MUC17: variants seen among roughly 807,000 people sequenced by gnomAD.
The protein encoded by MUC17 is mucin 17, cell surface associated, also known as mucin-17.
Under a neutral mutation model 170.3 loss-of-function variants are expected in MUC17, and 190 were observed. The ratio of observed to expected loss-of-function variants is 1.12; its 90% CI spans 0.99 to 1.26. The LOEUF is 1.26. Ranked by LOEUF, MUC17 falls within the 50% of genes most tolerant of loss-of-function variation. The probability of loss-of-function intolerance (pLI) is 0.00; values close to 1 mark genes in which losing one functional copy is unlikely to be tolerated. For missense variants in MUC17, 6,415 were observed against 5,530.0 expected (o/e 1.16, Z -5.08); for synonymous variants, 2,325 against 2,002.5 (o/e 1.16, Z -4.30).
chr7:101,021,788 C>A (rs1234179494), intron 1 of MUC17, among the ~76,000 whole-genome samples: 1 of 152,148 alleles, frequency 6.6e-6, no homozygotes, highest in African/African-American at 2.4e-5. Context: ...CTTTCCATGT[C>A]CCTTCTCCAG....
Position 101,043,787 on chromosome 7 carries a change from C to G in MUC17, c.12371C>G (p.Thr4124Ser), listed in dbSNP as rs1046921865. The change falls in exon 3 of 13, where the codon ACC (threonine) becomes AGC (serine). Residue 4124 changes from threonine to serine, a missense_variant. Thr to Ser is a moderately conservative substitution (Grantham distance 58). Coordinates refer to ENST00000306151, the MANE Select transcript of MUC17 (RefSeq NM_001040105.2). ...PTNTTIKSNP[T>S]STPTVPRTTT... ...AATACTACAATTAAGAGCAACCCCA[C>G]CTCAACTCCTACTGTGCCAAGAACC... 11 of 1,610,662 alleles carry G rather than the reference C, an allele frequency of 6.8e-6. No homozygotes were observed. The highest frequency in any genetic ancestry group is 8.5e-6 in the Non-Finnish European group (10 of 1,177,600).
chr7:101,050,663 G>A, intron 7 of MUC17, 28 bp downstream of exon 7: 1 of 1,608,294 alleles, frequency 6.2e-7, no homozygotes, highest in Non-Finnish European at 8.5e-7. Context: ...AGGGAGGGAA[G>A]GGAGAAGGCA....
In MUC17 at chr7:101,039,203, C is replaced by T; in HGVS notation, c.7787C>T (p.Thr2596Ile). ...LASSEASTLS[T>I]TPVDTSIPVT... is the part of the protein sequence containing the mutation. Reference sequence around the variant, plus strand: ...AGTTCTGAGGCTAGCACTCTTTCAACAACTCCTGTTGACACCAGCATACCT... The same window carrying T: ...AGTTCTGAGGCTAGCACTCTTTCAATAACTCCTGTTGACACCAGCATACCT... Residue 2596 changes from threonine to isoleucine, a missense_variant, in exon 3 of 13, where the codon ACA (threonine) becomes ATA (isoleucine). Physicochemically the swap from Thr to Ile is moderately conservative, Grantham distance 89. Transcript: ENST00000306151. 1.2e-6 allele frequency: 2 copies of T among 1,613,550 alleles called. No homozygotes were observed. Among genetic ancestry groups the T allele is most frequent in the Non-Finnish European group, 1.7e-6 (2 of 1,179,648 alleles).
In MUC17 at chr7:101,041,748, A is replaced by G. The variant is rs1419824137; in HGVS notation, c.10332A>G (p.Glu3444=). Residue 3444 remains glutamate, a synonymous_variant, in exon 3 of 13, where the codon GAA becomes GAG. Coordinates refer to ENST00000306151, the MANE Select transcript of MUC17 (RefSeq NM_001040105.2). ...TEASSSPTIA[E]GTSLPTSTTS... is the part of the protein sequence containing the mutation. ...CCAGTTCATCTCCTACAATCGCTGA[A>G]GGTACCAGCTTGCCAACCTCAACTA... 3.1e-6 allele frequency: 5 copies of G among 1,612,914 alleles called. No individual in the cohort carries two copies. In the South Asian group the frequency reaches 5.5e-5, roughly 18 times the overall value.
At chr7:101,025,207 A>C (rs1033712443) in intron 1 of MUC17, among the ~76,000 whole-genome samples, 1 of 151,520 alleles carries the variant, frequency 6.6e-6, no homozygotes, top group Non-Finnish European at 1.5e-5. Context: ...CTCTACAAAA[A>C]AATGTAAAAA....
chr7:101,037,487 C>A lies in MUC17; in HGVS notation c.6071C>A (p.Ser2024Ter), dbSNP rs1794526218. ...TPATTSTEGS[S>*]SPTTAGGTSI... ...GCCACCACTTCTACTGAAGGCAGTTCATCTCCTACAACTGCAGGAGGTACC... is the reference window on the plus strand; with the variant it reads ...GCCACCACTTCTACTGAAGGCAGTTAATCTCCTACAACTGCAGGAGGTACC... The change falls in exon 3 of 13, where the codon TCA becomes TAA. Residue 2024 changes from serine to a stop codon, truncating the protein, a stop_gained. Transcript: ENST00000306151. LOFTEE classifies it high-confidence loss of function. The A allele has an allele frequency of 6.2e-7, 1 of 1,613,002 alleles. No individual in the cohort carries two copies. Among genetic ancestry groups the A allele is most frequent in the Admixed American group, 1.7e-5 (1 of 59,962 alleles).
rs1330812263 is a variant in MUC17 at position 101,031,671 on chromosome 7, C to T, written c.255C>T (p.Cys85=). ...NVVEPRMYLS[C]STNPEMTSIE... is the part of the protein sequence containing the mutation. ...TGGAGCCAAGAATGTATTTGAGTTG[C>T]AGCACCAACCCTGAGATGACCTCGA... The change falls in exon 3 of 13, where the codon TGC becomes TGT. Residue 85 remains cysteine (C), a synonymous_variant. Transcript: ENST00000306151. 1.3e-6 allele frequency: 2 copies of T among 1,586,394 alleles called. No individual in the cohort carries two copies. Among genetic ancestry groups the T allele is most frequent in the Non-Finnish European group, 8.6e-7 (1 of 1,165,592 alleles).
chr7:101,043,354 A>G lies in MUC17; in HGVS notation c.11938A>G (p.Ser3980Gly). The change falls in exon 3 of 13, where the codon AGT (serine) becomes GGT (glycine). Residue 3980 changes from serine (S) to glycine (G), a missense_variant. By Grantham distance (56) the Ser-to-Gly change is moderately conservative. Transcript: ENST00000306151. ...ELNTPSTSSS[S>G]TTTSFSTTKE... is the part of the protein sequence containing the mutation. ...AAACACACCATCAACCTCCAGTAGT[A>G]GTACCACCACATCTTTTTCAACTAC... The G allele has an allele frequency of 6.2e-7, 1 of 1,614,192 alleles. No homozygotes were observed. The highest frequency in any genetic ancestry group is 8.5e-7 in the Non-Finnish European group (1 of 1,180,034).
intron 1 of MUC17, among the ~76,000 whole-genome samples, chr7:101,021,380 G>A (rs549789843): frequency 5.1e-4 from 77 of 152,034 alleles, no homozygotes; most frequent in African/African-American, 1.8e-3. Flanking sequence ...TAAGGACAGG[G>A]TTTCACCATG....
Position 101,053,130 on chromosome 7 carries a change from CA to C in MUC17, c.13250del (p.Lys4417ArgfsTer4), listed in dbSNP as rs777499027. 69 of 1,613,844 alleles carry C rather than the reference CA, an allele frequency of 4.3e-5. No individual in the cohort carries two copies. The Middle Eastern group carries it at 6.6e-4, about 15-fold the overall frequency. On this transcript the variant is annotated frameshift_variant, in exon 10 of 13. Coordinates refer to ENST00000306151, the MANE Select transcript of MUC17 (RefSeq NM_001040105.2). LOFTEE classifies it high-confidence loss of function. ...CTCTCCTGATGCTCGTTTTCCGCTC[CA>C]AGAGAGAGGTGAAACGGTGAGCGAG... ...VALLMLVFRS[K>X]REVKRQKYRL...
chr7:101,047,860 T>A, intron 3 of MUC17, 124 bp from the exon 4 acceptor site: 1 of 1,190,802 alleles, frequency 8.4e-7, no homozygotes, highest in Non-Finnish European at 1.1e-6. Context: ...ACAGTGTCCG[T>A]GCAAACGCAT....
chr7:101,032,889 A>G lies in MUC17; in HGVS notation c.1473A>G (p.Ser491=). 1 of 1,613,824 alleles carries G rather than the reference A, an allele frequency of 6.2e-7. No individual in the cohort carries two copies. Among genetic ancestry groups the G allele is most frequent in the Non-Finnish European group, 8.5e-7 (1 of 1,179,970 alleles). Residue 491 remains serine (S), a synonymous_variant, in exon 3 of 13, where the codon TCA becomes TCG. Transcript: ENST00000306151. ...TGACCACTTCTACTGAAGCCAGTTC[A>G]TCTCCTCCAACTGCTGAAGTTAACA... ...TQVTTSTEAS[S]SPPTAEVNSM...
At chr7:101,054,694 C>T (rs1246738272) in intron 11 of MUC17, among the ~76,000 whole-genome samples, 1 of 152,124 alleles carries the variant, frequency 6.6e-6, no homozygotes, top group African/African-American at 2.4e-5. Flanking sequence ...GTGGTGCATG[C>T]CTGTAATCCT....
chr7:101,038,396 G>A lies in MUC17; in HGVS notation c.6980G>A (p.Ser2327Asn), dbSNP rs1472038212. ...SSPPPTAEGT[S>N]MPTSTSSEGN... ...CCTCCTCCCACTGCTGAAGGTACCAGCATGCCAACCTCAACTTCTAGTGAA... is the reference window on the plus strand; with the variant it reads ...CCTCCTCCCACTGCTGAAGGTACCAACATGCCAACCTCAACTTCTAGTGAA... Residue 2327 changes from serine to asparagine, a missense_variant, in exon 3 of 13, where the codon AGC becomes AAC. Transcript: ENST00000306151. The A allele has an allele frequency of 2.5e-6, 4 of 1,613,950 alleles. No individual in the cohort carries two copies. Among genetic ancestry groups the A allele is most frequent in the Admixed American group, 3.3e-5 (2 of 59,994 alleles).
Position 101,037,637 on chromosome 7 carries a change from A to G in MUC17, c.6221A>G (p.Gln2074Arg). The G allele has an allele frequency of 6.2e-7, 1 of 1,612,592 alleles. No homozygotes were observed. The highest frequency in any genetic ancestry group is 1.7e-5 in the Admixed American group (1 of 59,900). Residue 2074 changes from glutamine to arginine, a missense_variant, in exon 3 of 13, where the codon CAG becomes CGG. Coordinates refer to ENST00000306151, the MANE Select transcript of MUC17 (RefSeq NM_001040105.2). ...ACAACTCCTGTTGACTCCAAAACTCAGGTGACCAATTCTACTGAAGCCAGT... is the reference window on the plus strand; with the variant it reads ...ACAACTCCTGTTGACTCCAAAACTCGGGTGACCAATTCTACTGAAGCCAGT... ...LSTTPVDSKTQVTNSTEASSS... is the reference protein window; with the variant it reads ...LSTTPVDSKTRVTNSTEASSS...
intron 11 of MUC17, 75 bp from the exon 12 acceptor site, chr7:101,056,119 A>T: frequency 6.9e-6 from 11 of 1,600,750 alleles, no homozygotes; most frequent in Non-Finnish European, 9.4e-6. Context: ...CCTCCATCAG[A>T]TGGGATTAAA....
In MUC17 at chr7:101,035,092, G is replaced by T. The variant is rs201742458; in HGVS notation, c.3676G>T (p.Val1226Phe). 2.6e-5 allele frequency: 42 copies of T among 1,612,154 alleles called. No individual in the cohort carries two copies. The Middle Eastern group carries it at 1.2e-3, about 44-fold the overall frequency. ...AAGCACTCCATTAACAAGTATGCCT[G>T]TCAGACACACGCCAGTGGCCAGTTC... Reference protein sequence around the residue: ...ERSTPLTSMPVRHTPVASSEA... With the variant: ...ERSTPLTSMPFRHTPVASSEA... Residue 1226 changes from valine (V) to phenylalanine (F), a missense_variant, in exon 3 of 13, where the codon GTC becomes TTC. Val to Phe is a conservative substitution (Grantham distance 50). Transcript: ENST00000306151.
chr7:101,036,319 A>T lies in MUC17; in HGVS notation c.4903A>T (p.Ser1635Cys). The T allele has an allele frequency of 1.2e-6, 2 of 1,613,922 alleles. No individual in the cohort carries two copies. The highest frequency in any genetic ancestry group is 8.5e-7 in the Non-Finnish European group (1 of 1,179,962). ...TAGTGAAGGAAGTCCTCTATTAACAAGTATACCTGTCAGCACCACGCCGGT... is the reference window on the plus strand; with the variant it reads ...TAGTGAAGGAAGTCCTCTATTAACATGTATACCTGTCAGCACCACGCCGGT... ...TPSEGSPLLT[S>C]IPVSTTPVAS... The change falls in exon 3 of 13, where the codon AGT (serine) becomes TGT (cysteine). Residue 1635 changes from serine (S) to cysteine (C), a missense_variant. Coordinates refer to ENST00000306151, the MANE Select transcript of MUC17 (RefSeq NM_001040105.2).
Position 101,043,745 on chromosome 7 carries a change from C to T in MUC17, c.12329C>T (p.Thr4110Ile), listed in dbSNP as rs552620911. The T allele has an allele frequency of 1.2e-6, 2 of 1,614,198 alleles. No individual in the cohort carries two copies. Among genetic ancestry groups the T allele is most frequent in the Admixed American group, 3.3e-5 (2 of 60,018 alleles). Residue 4110 changes from threonine (T) to isoleucine (I), a missense_variant, in exon 3 of 13, where the codon ACC (threonine) becomes ATC (isoleucine). Thr to Ile is a moderately conservative substitution (Grantham distance 89). Transcript: ENST00000306151. ...TRTTSFPTVT[T>I]TAVPTNTTIK... is the part of the protein sequence containing the mutation. ...ACCACTTCCTTCCCCACGGTGACCA[C>T]CACCGCTGTCCCCACGAATACTACA...
Sources: gnomAD v4.1 joint callset for allele counts (sites outside exome capture counted in the v4.1 genomes callset) on GRCh38, gnomAD v4.1.1 for gene constraint, MANE v1.5 for transcripts, NCBI Gene and HGNC (gene_info 2026-07-23, HGNC 2026-07-21) for gene names.